Variants in CHST9 observed in about 807,000 individuals in gnomAD.
The protein encoded by CHST9 is GalNAc-4-sulfotransferase 2.
In CHST9, 41 loss-of-function variants were observed where a neutral mutation model predicts 44.4. The observed-to-expected ratio is 0.92, with a 90% CI of 0.72 to 1.20. CHST9 has a LOEUF of 1.20. CHST9 is among the 50% of genes most tolerant of loss of function. CHST9 has a pLI of 0.00. For missense variants in CHST9, 504 were observed against 516.5 expected (o/e 0.98, Z 0.23); for synonymous variants, 171 against 178.4 (o/e 0.96, Z 0.33).
intron 5 of CHST9, chr18:26,933,509 C>T (rs1483979253): frequency 1.3e-5 from 2 of 153,414 alleles, no homozygotes; most frequent in Non-Finnish European, 2.9e-5. Flanking sequence ...TCTTAGATTG[C>T]TCATTCCTTT....
chr18:27,023,281 T>A (rs576513834), intron 4 of CHST9, among the ~76,000 whole-genome samples: 1 of 152,290 alleles, frequency 6.6e-6, no homozygotes, highest in South Asian at 2.1e-4. Context: ...TTTATATTTA[T>A]AAATTTTTAA....
intron 1 of CHST9, among the ~76,000 whole-genome samples, chr18:27,174,054 C>T (rs2058850629): frequency 6.6e-6 from 1 of 151,892 alleles, no homozygotes; most frequent in East Asian, 1.9e-4. Flanking sequence ...TTCTATATAA[C>T]CCCAATATGA....
intron 1 of CHST9, among the ~76,000 whole-genome samples, chr18:27,165,041 G>A (rs983161298): frequency 6.6e-6 from 1 of 152,184 alleles, no homozygotes; most frequent in East Asian, 1.9e-4. Context: ...AAAAAGGAGA[G>A]AGAGAAAAGA....
At chr18:27,013,430 G>GA (rs1185278768) in intron 4 of CHST9, among the ~76,000 whole-genome samples, 6 of 152,098 alleles carry the variant, frequency 3.9e-5, no homozygotes, top group Admixed American at 3.9e-4. Context: ...CATTTGGCAT[G>GA]AAAAAATTAG....
intron 1 of CHST9, among the ~76,000 whole-genome samples, chr18:27,159,651 C>A (rs1189623691): frequency 6.6e-6 from 1 of 152,150 alleles, no homozygotes; most frequent in African/African-American, 2.4e-5. Flanking sequence ...TGAAGAAAGT[C>A]ATTGGTAGCT....
chr18:26,921,692 T>A lies in CHST9; in HGVS notation c.241-4342A>T, dbSNP rs541031045. On this transcript the variant is annotated intron_variant, in intron 5 of 5. Transcript: ENST00000618847. Reference sequence around the variant, plus strand: ...AGTCCCATCATCATCATCATCATCATCATCTTCACAACAATAATAAAAGAG... The same window carrying A: ...AGTCCCATCATCATCATCATCATCAACATCTTCACAACAATAATAAAAGAG... Among the ~76,000 whole-genome samples the A allele has an allele frequency of 9.2e-5, 14 of 152,274 alleles. No homozygotes were observed. In the South Asian group the frequency reaches 2.9e-3, roughly 32 times the overall value.
At chr18:27,083,118 T>G (rs1476680765) in intron 2 of CHST9, among the ~76,000 whole-genome samples, 1 of 152,126 alleles carries the variant, frequency 6.6e-6, no homozygotes, top group Non-Finnish European at 1.5e-5. Context: ...GGTATGTATA[T>G]ATAAGTAGAT....
At chr18:27,002,304 C>G (rs150300564) in intron 4 of CHST9, among the ~76,000 whole-genome samples, 1 of 152,110 alleles carries the variant, frequency 6.6e-6, no homozygotes, top group African/African-American at 2.4e-5. Flanking sequence ...ATTATGTAGC[C>G]TCCTGCAACA....
intron 4 of CHST9, among the ~76,000 whole-genome samples, chr18:26,958,843 A>G (rs1210513983): frequency 6.6e-6 from 1 of 152,218 alleles, no homozygotes; most frequent in African/African-American, 2.4e-5. Context: ...GCCATGGAGG[A>G]AAGGGAATGC....
At chr18:26,934,064 T>C (rs1305660623) in intron 5 of CHST9, among the ~76,000 whole-genome samples, 1 of 152,024 alleles carries the variant, frequency 6.6e-6, no homozygotes, top group African/African-American at 2.4e-5. Context: ...AGGGCAAGGC[T>C]GTTGTGGTTG....
intron 4 of CHST9, among the ~76,000 whole-genome samples, chr18:26,955,786 A>G (rs185957318): frequency 5.6e-4 from 85 of 152,262 alleles, no homozygotes; most frequent in African/African-American, 2.0e-3. Context: ...CAACTCAGGA[A>G]AGAAGGCAGG....
At chr18:27,010,471 C>A (rs2057070026) in intron 4 of CHST9, among the ~76,000 whole-genome samples, 1 of 152,136 alleles carries the variant, frequency 6.6e-6, no homozygotes, top group Non-Finnish European at 1.5e-5. Flanking sequence ...GATGTTCCAC[C>A]AGGACAGAGA....
rs1483718439 is a variant in CHST9, at chr18:27,172,425, T to C, written c.-97+12711A>G. ...CTTTGTCTTACCACTGATATAAATA[T>C]GAGTAGCATGGGAGTGGGAGGGGGA... On this transcript the variant is annotated intron_variant, in intron 1 of 5. Transcript: ENST00000618847. Among the ~76,000 whole-genome samples, 6 of 152,162 alleles carry C rather than the reference T, an allele frequency of 3.9e-5. No homozygotes were observed. The East Asian group carries it at 9.6e-4, about 24-fold the overall frequency.
chr18:27,168,220 G>C (rs1285736182), intron 1 of CHST9, among the ~76,000 whole-genome samples: 1 of 152,036 alleles, frequency 6.6e-6, no homozygotes, highest in East Asian at 1.9e-4. Flanking sequence ...GACTACAGGT[G>C]CCCACCACCA....
chr18:27,037,651 C>G (rs539914319), intron 3 of CHST9, among the ~76,000 whole-genome samples: 74 of 152,266 alleles, frequency 4.9e-4, no homozygotes, highest in Admixed American at 5.2e-4. Flanking sequence ...TGTGATTCTG[C>G]CACTGGATTC....
intron 2 of CHST9, among the ~76,000 whole-genome samples, chr18:27,053,223 A>AAGT (rs2057599949): frequency 2.2e-5 from 1 of 45,030 alleles, no homozygotes; most frequent in Admixed American, 2.2e-4. Flanking sequence ...GAAGAGGAAG[A>AAGT]AGAAGAAGAA....
At chr18:27,167,701 G>T (rs2058801355) in intron 1 of CHST9, among the ~76,000 whole-genome samples, 2 of 152,198 alleles carry the variant, frequency 1.3e-5, no homozygotes. Flanking sequence ...CAAGGGGTAA[G>T]GTAGAGAATA....
At chr18:27,016,065 C>G (rs947408279) in intron 4 of CHST9, among the ~76,000 whole-genome samples, 1 of 152,174 alleles carries the variant, frequency 6.6e-6, no homozygotes, top group Non-Finnish European at 1.5e-5. Flanking sequence ...CCTGCTCATC[C>G]CAGCCATGGG....
chr18:26,912,977 C>T lies in CHST9; in HGVS notation c.*3282G>A, dbSNP rs1169076990. On this transcript the variant is annotated 3_prime_UTR_variant, in exon 6 of 6. Coordinates refer to ENST00000618847, the MANE Select transcript of CHST9 (RefSeq NM_031422.6). Reference sequence around the variant, plus strand: ...GCAAAACATCTGCTTCACCACGCCCCATGAAGGCCTAGAGGCTGGGATGCC... The same window carrying T: ...GCAAAACATCTGCTTCACCACGCCCTATGAAGGCCTAGAGGCTGGGATGCC... 2.6e-5 allele frequency: 4 copies of T among 152,202 alleles called. No individual in the cohort carries two copies. The highest frequency in any genetic ancestry group is 9.7e-5 in the African/African-American group (4 of 41,438). 9.4% of individuals were successfully genotyped at this position (152,202 alleles called of 1,614,324 possible).
Sources: gnomAD v4.1 joint callset for allele counts (sites outside exome capture counted in the v4.1 genomes callset) on GRCh38, gnomAD v4.1.1 for gene constraint, MANE v1.5 for transcripts, NCBI Gene and HGNC (gene_info 2026-07-23, HGNC 2026-07-21) for gene names.